CILP2: variants seen among roughly 807,000 people sequenced by gnomAD.
CILP2 encodes cartilage intermediate layer protein 2.
A neutral mutation model predicts 45.6 loss-of-function variants in CILP2; 38 were observed. The observed-to-expected ratio is 0.83, with a 90% CI of 0.64 to 1.09. CILP2 has a LOEUF of 1.09. Ranked by LOEUF, CILP2 falls within the 50% of genes least tolerant of loss-of-function variation. The pLI is 0.00. For missense variants in CILP2, 1,735 were observed against 1,662.2 expected (o/e 1.04, Z -0.76); for synonymous variants, 780 against 723.5 (o/e 1.08, Z -1.25).
rs757736188 is a variant in CILP2, at chr19:19,543,412, G to A, written c.1135+7G>A. The A allele has an allele frequency of 6.2e-7, 1 of 1,612,856 alleles. No homozygotes were observed. Among genetic ancestry groups the A allele is most frequent in the South Asian group, 1.1e-5 (1 of 91,052 alleles). On this transcript the variant is annotated splice_region_variant and intron_variant, in intron 7 of 7. Transcript: ENST00000291495. ...GCCCGGCTCACTGTACTTGGTGAGT[G>A]TCCTTGGCCACAGCCCCGAGCAAGC... is the stretch of plus-strand genomic sequence containing the variant.
rs1160103859 is a variant in CILP2 at position 19,544,832 on chromosome 19, G to C, written c.2287G>C (p.Val763Leu). The C allele has an allele frequency of 6.2e-7, 1 of 1,602,206 alleles. No homozygotes were observed. The highest frequency in any genetic ancestry group is 8.5e-7 in the Non-Finnish European group (1 of 1,179,444). Reference protein sequence around the residue: ...EQVEGVVVTLVNLEPAPGFSA... With the variant: ...EQVEGVVVTLLNLEPAPGFSA... ...GGTGGAGGGCGTGGTGGTCACGCTG[G>C]TCAATCTGGAGCCCGCCCCCGGCTT... Residue 763 changes from valine (V) to leucine (L), a missense_variant, in exon 8 of 8, where the codon GTC (valine) becomes CTC (leucine). Val to Leu is a conservative substitution (Grantham distance 32). Coordinates refer to ENST00000291495, the MANE Select transcript of CILP2 (RefSeq NM_153221.2).
rs757454570 is a variant in CILP2, at chr19:19,545,436, G to A, written c.2891G>A (p.Arg964His). The A allele has an allele frequency of 1.4e-5, 22 of 1,612,228 alleles. No individual in the cohort carries two copies. The highest frequency in any genetic ancestry group is 1.6e-5 in the Non-Finnish European group (19 of 1,179,682). Reference sequence around the variant, plus strand: ...CACAACGCAGGGGGCAGCCACCCACGCACCCGCGGCCAGCTCTACGGACTT... The same window carrying A: ...CACAACGCAGGGGGCAGCCACCCACACACCCGCGGCCAGCTCTACGGACTT... ...RSHNAGGSHP[R>H]TRGQLYGLRD... Residue 964 changes from arginine to histidine, a missense_variant, in exon 8 of 8, where the codon CGC becomes CAC. Arg to His is a conservative substitution (Grantham distance 29). Coordinates refer to ENST00000291495, the MANE Select transcript of CILP2 (RefSeq NM_153221.2).
intron 1 of CILP2, among the ~76,000 whole-genome samples, chr19:19,538,648 G>C (rs1568368275): frequency 6.6e-6 from 1 of 152,230 alleles, no homozygotes; most frequent in African/African-American, 2.4e-5. Flanking sequence ...TCCTCCCGGG[G>C]TTTGGACTCT....
At chr19:19,540,123 A>C in intron 2 of CILP2, 81 bp from the exon 3 acceptor site, 1 of 1,416,458 alleles carries the variant, frequency 7.1e-7, no homozygotes, top group Non-Finnish European at 9.2e-7. Flanking sequence ...GAGGGGGCTG[A>C]GACAGCAAGT....
intron 1 of CILP2, among the ~76,000 whole-genome samples, chr19:19,539,181 G>A (rs1238530834): frequency 6.6e-6 from 1 of 152,116 alleles, no homozygotes; most frequent in African/African-American, 2.4e-5. Flanking sequence ...GGTGGTCATG[G>A]GCAGCGCGCT....
rs757986701 is a variant in CILP2 at position 19,545,546 on chromosome 19, G to A, written c.3001G>A (p.Asp1001Asn). 1.7e-5 allele frequency: 27 copies of A among 1,612,414 alleles called. No individual in the cohort carries two copies. Among genetic ancestry groups the A allele is most frequent in the African/African-American group, 2.7e-5 (2 of 75,068 alleles). The change falls in exon 8 of 8, where the codon GAC becomes AAC. Residue 1001 changes from aspartate to asparagine, a missense_variant. Physicochemically the swap from Asp to Asn is conservative, Grantham distance 23 (BLOSUM62 1). Coordinates refer to ENST00000291495, the MANE Select transcript of CILP2 (RefSeq NM_153221.2). Reference protein sequence around the residue: ...VEFKCSGMLFDQRQVDRTLVT... With the variant: ...VEFKCSGMLFNQRQVDRTLVT... Reference sequence around the variant, plus strand: ...GTTCAAGTGCAGCGGGATGCTGTTCGACCAGCGGCAGGTGGACAGGACGCT... The same window carrying A: ...GTTCAAGTGCAGCGGGATGCTGTTCAACCAGCGGCAGGTGGACAGGACGCT...
At position 19,544,055 on chromosome 19, in the gene CILP2, G is replaced by A. The variant is rs756936052; in HGVS notation, c.1510G>A (p.Ala504Thr). Residue 504 changes from alanine (A) to threonine (T), a missense_variant, in exon 8 of 8, where the codon GCC becomes ACC. Transcript: ENST00000291495. Reference sequence around the variant, plus strand: ...GGGCCAGGAGCCCATCGGCTTCACCGCCTACCAGGGCGACTTTACCATTGA... The same window carrying A: ...GGGCCAGGAGCCCATCGGCTTCACCACCTACCAGGGCGACTTTACCATTGA... Reference protein sequence around the residue: ...LLGQEPIGFTAYQGDFTIEVP... With the variant: ...LLGQEPIGFTTYQGDFTIEVP... 11 of 1,613,736 alleles carry A rather than the reference G, an allele frequency of 6.8e-6. No homozygotes were observed. The highest frequency in any genetic ancestry group is 1.1e-5 in the South Asian group (1 of 91,090).
Position 19,538,344 on chromosome 19 carries a change from C to A in CILP2, c.-6C>A, listed in dbSNP as rs753079036. ...CGGACCCTCCCTCGGACGCTCTGCC[C>A]CGGCCATGGCGTCGCTGCTGCCACT... On this transcript the variant is annotated 5_prime_UTR_variant, in exon 1 of 8. Coordinates refer to ENST00000291495, the MANE Select transcript of CILP2 (RefSeq NM_153221.2). 1 of 1,578,798 alleles carries A rather than the reference C, an allele frequency of 6.3e-7. No homozygotes were observed. The highest frequency in any genetic ancestry group is 8.5e-7 in the Non-Finnish European group (1 of 1,170,914).
chr19:19,539,581 G>GC, intron 1 of CILP2, 98 bp from the exon 2 acceptor site: 1 of 522,418 alleles, frequency 1.9e-6, no homozygotes, highest in Non-Finnish European at 2.9e-6. Context: ...AAAAAAAAAA[G>GC]GGGGGGGATG....
At position 19,544,184 on chromosome 19, in the gene CILP2, G is replaced by T. The variant is rs1266686222; in HGVS notation, c.1639G>T (p.Val547Leu). The change falls in exon 8 of 8, where the codon GTG becomes TTG. Residue 547 changes from valine to leucine, a missense_variant. By Grantham distance (32) the Val-to-Leu change is conservative. Coordinates refer to ENST00000291495, the MANE Select transcript of CILP2 (RefSeq NM_153221.2). Reference protein sequence around the residue: ...VLPFDPRGAGVYHEVKAMRKK... With the variant: ...VLPFDPRGAGLYHEVKAMRKK... ...GCCTTTTGATCCTCGAGGTGCCGGC[G>T]TGTACCACGAGGTCAAGGCCATGCG... 8 of 1,613,784 alleles carry T rather than the reference G, an allele frequency of 5.0e-6. No individual in the cohort carries two copies. Among genetic ancestry groups the T allele is most frequent in the Non-Finnish European group, 6.8e-6 (8 of 1,179,850 alleles).
Position 19,544,087 on chromosome 19 carries a change from G to A in CILP2, c.1542G>A (p.Pro514=), listed in dbSNP as rs749762474. The change falls in exon 8 of 8, where the codon CCG becomes CCA. Residue 514 remains proline, a synonymous_variant. Transcript: ENST00000291495. The stretch of plus-strand genomic sequence containing the variant: ...AGGGCGACTTTACCATTGAGGTGCC[G>A]CCCTCCACCCAGCGGCTGGTGGTGA... ...AYQGDFTIEV[P]PSTQRLVVTF... is the part of the protein sequence containing the mutation. The A allele has an allele frequency of 8.0e-5, 129 of 1,613,826 alleles. No individual in the cohort carries two copies. Among genetic ancestry groups the A allele is most frequent in the Non-Finnish European group, 1.1e-4 (127 of 1,180,018 alleles).
Position 19,545,816 on chromosome 19 carries a change from G to C in CILP2, c.3271G>C (p.Glu1091Gln), listed in dbSNP as rs765980183. 6.3e-7 allele frequency: 1 copy of C among 1,590,998 alleles called. No homozygotes were observed. Among genetic ancestry groups the C allele is most frequent in the Non-Finnish European group, 8.6e-7 (1 of 1,164,816 alleles). ...FDGSSDGFSR[E>Q]MKADAGTAVT... ...TGGTTCCTCTGACGGCTTCTCCAGA[G>C]AGATGAAGGCTGATGCCGGCACAGC... Residue 1091 changes from glutamate to glutamine, a missense_variant, in exon 8 of 8, where the codon GAG (glutamate) becomes CAG (glutamine). Transcript: ENST00000291495.
At chr19:19,543,208 C>T in intron 6 of CILP2, 40 bp from the exon 7 acceptor site, 2 of 1,595,124 alleles carry the variant, frequency 1.3e-6, no homozygotes, top group South Asian at 1.1e-5. Flanking sequence ...AACACAGCCC[C>T]TCCCACTGAG....
chr19:19,543,989 G>C lies in CILP2; in HGVS notation c.1444G>C (p.Ala482Pro), dbSNP rs371070938. 1.9e-6 allele frequency: 3 copies of C among 1,613,260 alleles called. No homozygotes were observed. Among genetic ancestry groups the C allele is most frequent in the Non-Finnish European group, 2.5e-6 (3 of 1,179,750 alleles). The change falls in exon 8 of 8, where the codon GCT (alanine) becomes CCT (proline). Residue 482 changes from alanine (A) to proline (P), a missense_variant. Physicochemically the swap from Ala to Pro is conservative, Grantham distance 27 (BLOSUM62 -1). Transcript: ENST00000291495. Reference sequence around the variant, plus strand: ...GCTGGTCCGGGGCCGTGTTGTGGCTGCTGACTCCGGGGAGCCGCTACGCTT... The same window carrying C: ...GCTGGTCCGGGGCCGTGTTGTGGCTCCTGACTCCGGGGAGCCGCTACGCTT... Reference protein sequence around the residue: ...RGLVRGRVVAADSGEPLRFAR... With the variant: ...RGLVRGRVVAPDSGEPLRFAR...
In CILP2 at chr19:19,545,085, C is replaced by T. The variant is rs145521051; in HGVS notation, c.2540C>T (p.Thr847Met). ...CTGGACAGGCTGGGGTACCGTCGGA[C>T]GGACCACGACGATCCCGCCTTCAAG... The part of the protein sequence containing the change: ...PYLDRLGYRR[T>M]DHDDPAFKRN... The change falls in exon 8 of 8, where the codon ACG becomes ATG. Residue 847 changes from threonine (T) to methionine (M), a missense_variant. By Grantham distance (81) the Thr-to-Met change is moderately conservative. Transcript: ENST00000291495. 1.2e-6 allele frequency: 2 copies of T among 1,610,216 alleles called. No individual in the cohort carries two copies. The highest frequency in any genetic ancestry group is 1.7e-6 in the Non-Finnish European group (2 of 1,178,984).
Position 19,541,119 on chromosome 19 carries a change from G to A in CILP2, c.465G>A (p.Trp155Ter). Reference protein sequence around the residue: ...LEASWGAWGPWGPCSGSCGPG... With the variant: ...LEASWGAWGP Reference sequence around the variant, plus strand: ...CCTCGTGGGGCGCGTGGGGCCCGTGGGGTCCCTGCTCGGGGAGCTGTGGGC... The same window carrying A: ...CCTCGTGGGGCGCGTGGGGCCCGTGAGGTCCCTGCTCGGGGAGCTGTGGGC... Residue 155 changes from tryptophan (W) to a stop codon, truncating the protein, a stop_gained, in exon 4 of 8, where the codon TGG (tryptophan) becomes TGA (stop). Coordinates refer to ENST00000291495, the MANE Select transcript of CILP2 (RefSeq NM_153221.2). LOFTEE classifies it high-confidence loss of function. 1 of 1,261,848 alleles carries A rather than the reference G, an allele frequency of 7.9e-7. No homozygotes were observed. Among genetic ancestry groups the A allele is most frequent in the Non-Finnish European group, 1.0e-6 (1 of 1,003,432 alleles). The allele number at this position is 1,261,848 out of a possible 1,614,324, so 78.2% of individuals were successfully genotyped here.
rs768288032 is a variant in CILP2, at chr19:19,540,267, G to A, written c.227G>A (p.Ser76Asn). 4.4e-6 allele frequency: 7 copies of A among 1,602,590 alleles called. No homozygotes were observed. The highest frequency in any genetic ancestry group is 1.7e-4 in the Middle Eastern group (1 of 6,038). The stretch of plus-strand genomic sequence containing the variant: ...CCCGGAGGCGACGGCGACTTCGAGA[G>A]CCTGGCTGCCATCCGCTTCTACTAC... Reference protein sequence around the residue: ...DHPGGDGDFESLAAIRFYYGP... With the variant: ...DHPGGDGDFENLAAIRFYYGP... The change falls in exon 3 of 8, where the codon AGC becomes AAC. Residue 76 changes from serine to asparagine, a missense_variant. Transcript: ENST00000291495.
Position 19,543,892 on chromosome 19 carries a change from C to T in CILP2, c.1347C>T (p.His449=), listed in dbSNP as rs777326270. 2 of 1,613,860 alleles carry T rather than the reference C, an allele frequency of 1.2e-6. No homozygotes were observed. Among genetic ancestry groups the T allele is most frequent in the South Asian group, 1.1e-5 (1 of 91,082 alleles). Residue 449 remains histidine (H), a synonymous_variant, in exon 8 of 8, where the codon CAC becomes CAT. Transcript: ENST00000291495. ...GCCGTCTGGAGAGAAGGGAGATTCA[C>T]TGCCCTGGCTACGTCCTCCCAGTGA... ...SVRRLERREI[H]CPGYVLPVKV... is the part of the protein sequence containing the mutation.
Position 19,543,708 on chromosome 19 carries a change from G to C in CILP2, c.1163G>C (p.Arg388Pro), listed in dbSNP as rs146711114. The C allele has an allele frequency of 4.4e-6, 7 of 1,600,316 alleles. No individual in the cohort carries two copies. The highest frequency in any genetic ancestry group is 6.0e-6 in the Non-Finnish European group (7 of 1,171,092). The change falls in exon 8 of 8, where the codon CGG (arginine) becomes CCG (proline). Residue 388 changes from arginine to proline, a missense_variant. By Grantham distance (103) the Arg-to-Pro change is moderately radical (BLOSUM62 -2). Coordinates refer to ENST00000291495, the MANE Select transcript of CILP2 (RefSeq NM_153221.2). Reference sequence around the variant, plus strand: ...CCAGGCCAGCCAGCCTGCGACCCCCGGCCCCGAGAGTACCTGATCAAGCTC... The same window carrying C: ...CCAGGCCAGCCAGCCTGCGACCCCCCGCCCCGAGAGTACCTGATCAAGCTC... ...LAPGQPACDP[R>P]PREYLIKLPE...
Sources: allele counts gnomAD v4.1 joint callset (sites outside exome capture counted in the v4.1 genomes callset), GRCh38; gene constraint gnomAD v4.1.1; transcripts MANE v1.5; gene names NCBI Gene and HGNC (gene_info 2026-07-23, HGNC 2026-07-21).